Variants in GPC5 observed in about 807,000 individuals in gnomAD.
GPC5 encodes the protein glypican 5, also known as glypican-5.
GPC5 carries 47 observed loss-of-function variants against 53.9 expected under a neutral mutation model. The observed-to-expected ratio is 0.87, with a 90% CI of 0.69 to 1.11. The LOEUF (loss-of-function observed/expected upper bound fraction) is 1.11, where lower values mean the gene tolerates loss of function less well. Ranked by LOEUF, GPC5 falls within the 50% of genes most tolerant of loss-of-function variation. The probability of loss-of-function intolerance (pLI) is 0.00; values close to 1 mark genes in which losing one functional copy is unlikely to be tolerated. For missense variants in GPC5, 748 were observed against 713.1 expected (o/e 1.05, Z -0.56); for synonymous variants, 286 against 263.3 (o/e 1.09, Z -0.84).
At chr13:91,909,704 G>A (rs1211825802) in intron 6 of GPC5, among the ~76,000 whole-genome samples, 1 of 152,034 alleles carries the variant, frequency 6.6e-6, no homozygotes, top group African/African-American at 2.4e-5. Flanking sequence ...TGTTCCATAA[G>A]AAGTGCACAG....
intron 7 of GPC5, among the ~76,000 whole-genome samples, chr13:92,863,733 T>A (rs1196904890): frequency 6.6e-6 from 1 of 152,184 alleles, no homozygotes; most frequent in African/African-American, 2.4e-5. Context: ...CCTCAGGTGA[T>A]CTGCCTGCAT....
chr13:92,151,040 C>T (rs2041903887), intron 7 of GPC5, among the ~76,000 whole-genome samples: 1 of 151,908 alleles, frequency 6.6e-6, no homozygotes, highest in African/African-American at 2.4e-5. Flanking sequence ...AACAGAGTGG[C>T]TATTGAAATG....
intron 6 of GPC5, among the ~76,000 whole-genome samples, chr13:92,079,085 C>G (rs2041274858): frequency 6.6e-6 from 1 of 151,942 alleles, no homozygotes; most frequent in African/African-American, 2.4e-5. Flanking sequence ...GAATTTCACT[C>G]TTGTTGCCCA....
At chr13:92,812,157 C>T (rs1468088147) in intron 7 of GPC5, among the ~76,000 whole-genome samples, 2 of 151,848 alleles carry the variant, frequency 1.3e-5, no homozygotes, top group East Asian at 1.9e-4. Context: ...TGCATTGAAC[C>T]TATAGATCAC....
At chr13:92,090,615 G>A (rs537568804) in intron 6 of GPC5, among the ~76,000 whole-genome samples, 7 of 152,090 alleles carry the variant, frequency 4.6e-5, no homozygotes, top group African/African-American at 1.7e-4. Context: ...TGTTAAAGCT[G>A]TTTAAATAGA....
intron 2 of GPC5, among the ~76,000 whole-genome samples, chr13:91,681,845 C>T (rs968588210): frequency 5.9e-5 from 9 of 152,084 alleles, no homozygotes; most frequent in African/African-American, 2.2e-4. Context: ...TTGAAAAGAA[C>T]GATTTCAATA....
intron 1 of GPC5, among the ~76,000 whole-genome samples, chr13:91,418,238 C>T (rs1594061801): frequency 6.6e-6 from 1 of 152,058 alleles, no homozygotes; most frequent in South Asian, 2.1e-4. Flanking sequence ...AGAAGATAAT[C>T]CAGCCATATT....
At chr13:91,743,447 G>C (rs768485641) in intron 4 of GPC5, among the ~76,000 whole-genome samples, 16 of 152,136 alleles carry the variant, frequency 1.1e-4, no homozygotes, top group Middle Eastern at 3.2e-3. Flanking sequence ...AGCATCTATA[G>C]CAAGAGTATC....
intron 7 of GPC5, among the ~76,000 whole-genome samples, chr13:92,395,907 G>GTTTTTTTTTTTTTTTTT (rs71123404): frequency 7.7e-6 from 1 of 130,662 alleles, no homozygotes; most frequent in African/African-American, 2.8e-5. Flanking sequence ...GTTTGTTTCT[G>GTTTTTTTTTTTTTTTTT]TTTTTTTTTT....
chr13:92,861,429 C>T (rs2138855628), intron 7 of GPC5, among the ~76,000 whole-genome samples: 1 of 152,214 alleles, frequency 6.6e-6, no homozygotes, highest in Non-Finnish European at 1.5e-5. Flanking sequence ...GCTTTTAACA[C>T]CTGGACAATA....
At position 91,571,886 on chromosome 13, in the gene GPC5, C is replaced by CGTGT. The variant is rs138515249; in HGVS notation, c.326-121298_326-121295dup. ...GTGTGTGTATATATACACACATATA[C>CGTGT]GTGTGTATATACACATATTGTATAT... On this transcript the variant is annotated intron_variant, in intron 2 of 7. Coordinates refer to ENST00000377067, the MANE Select transcript of GPC5 (RefSeq NM_004466.6). Among the ~76,000 whole-genome samples, 117 of 64,968 alleles carry CGTGT rather than the reference C, an allele frequency of 1.8e-3. 20 individuals carry two copies. Among genetic ancestry groups the CGTGT allele is most frequent in the African/African-American group, 0.013 (99 of 7,834 alleles). The allele number at this position is 64,968 out of a possible 152,430, so 42.6% of individuals were successfully genotyped here.
chr13:92,502,070 A>G (rs988255049), intron 7 of GPC5, among the ~76,000 whole-genome samples: 1 of 152,078 alleles, frequency 6.6e-6, no homozygotes, highest in Non-Finnish European at 1.5e-5. Flanking sequence ...GATTCTTTAA[A>G]ATGTTTGGTA....
At chr13:92,072,692 G>T (rs139855137) in intron 6 of GPC5, among the ~76,000 whole-genome samples, 4 of 150,628 alleles carry the variant, frequency 2.7e-5, no homozygotes, top group Non-Finnish European at 5.9e-5. Context: ...TGGTGCCTCA[G>T]CCTCCTGAGT....
At chr13:92,556,233 A>G (rs1166246960) in intron 7 of GPC5, among the ~76,000 whole-genome samples, 1 of 151,826 alleles carries the variant, frequency 6.6e-6, no homozygotes, top group Non-Finnish European at 1.5e-5. Flanking sequence ...ATCACCCTGT[A>G]AAACAATGTA....
At chr13:92,512,929 C>G (rs933793059) in intron 7 of GPC5, among the ~76,000 whole-genome samples, 1 of 152,146 alleles carries the variant, frequency 6.6e-6, no homozygotes, top group Non-Finnish European at 1.5e-5. Flanking sequence ...TGGTTTTGCT[C>G]ATAAATTGAA....
intron 6 of GPC5, among the ~76,000 whole-genome samples, chr13:92,125,306 C>CA (rs964517057): frequency 6.6e-6 from 1 of 152,090 alleles, no homozygotes; most frequent in African/African-American, 2.4e-5. Context: ...TTCCCACCAA[C>CA]AAAAATTGAA....
chr13:91,904,099 G>A (rs2039526880), intron 5 of GPC5, among the ~76,000 whole-genome samples: 1 of 150,720 alleles, frequency 6.6e-6, no homozygotes, highest in Non-Finnish European at 1.5e-5. Flanking sequence ...ATTTGTTGAG[G>A]AGGATTGTTT....
At chr13:91,937,664 C>G (rs1299377140) in intron 6 of GPC5, among the ~76,000 whole-genome samples, 1 of 152,106 alleles carries the variant, frequency 6.6e-6, no homozygotes, top group East Asian at 1.9e-4. Flanking sequence ...AAATGGATTT[C>G]CAAGATTGGA....
intron 4 of GPC5, among the ~76,000 whole-genome samples, chr13:91,747,564 T>C (rs531022768): frequency 6.6e-6 from 1 of 152,172 alleles, no homozygotes; most frequent in Admixed American, 6.5e-5. Context: ...TTTAGACTGG[T>C]CAAAACGTGT....
Sources: allele counts gnomAD v4.1 joint callset (sites outside exome capture counted in the v4.1 genomes callset), GRCh38; gene constraint gnomAD v4.1.1; transcripts MANE v1.5; gene names NCBI Gene and HGNC (gene_info 2026-07-23, HGNC 2026-07-21).